ADAM22: variants seen among roughly 807,000 people sequenced by gnomAD.
The protein encoded by ADAM22 is disintegrin and metalloproteinase domain-containing protein 22.
ADAM22 carries 65 observed loss-of-function variants against 144.6 expected under a neutral mutation model. The observed-to-expected ratio is 0.45, with a 90% CI of 0.37 to 0.55. The LOEUF (loss-of-function observed/expected upper bound fraction) is 0.55, where lower values mean the gene tolerates loss of function less well. ADAM22 is among the 20% of genes least tolerant of loss of function. The pLI, the probability that ADAM22 is intolerant of heterozygous loss-of-function variation, is 0.00. For missense variants in ADAM22, 974 were observed against 1,184.9 expected (o/e 0.82, Z 2.61); for synonymous variants, 391 against 412.6 (o/e 0.95, Z 0.63).
At chr7:88,130,308 A>C in intron 9 of ADAM22, 80 bp from the exon 10 acceptor site, 1 of 1,121,644 alleles carries the variant, frequency 8.9e-7, no homozygotes, top group Non-Finnish European at 1.3e-6. Context: ...GGATCTTTCA[A>C]TTGCACCATG....
intron 2 of ADAM22, among the ~76,000 whole-genome samples, chr7:87,944,169 G>A (rs979904947): frequency 5.9e-5 from 9 of 151,412 alleles, no homozygotes; most frequent in African/African-American, 2.2e-4. Context: ...CTTTTAAGTA[G>A]GTTTGTTTCG....
At chr7:88,122,559 G>T (rs953936898) in intron 7 of ADAM22, among the ~76,000 whole-genome samples, 2 of 152,056 alleles carry the variant, frequency 1.3e-5, no homozygotes, top group African/African-American at 4.8e-5. Flanking sequence ...ATTTCATCCC[G>T]TTATAGCATC....
At chr7:88,118,291 T>C (rs1018898981) in intron 7 of ADAM22, among the ~76,000 whole-genome samples, 1 of 152,230 alleles carries the variant, frequency 6.6e-6, no homozygotes, top group African/African-American at 2.4e-5. Flanking sequence ...TTGTAACTCC[T>C]TGTCCTCCTG....
intron 2 of ADAM22, among the ~76,000 whole-genome samples, chr7:87,977,180 T>C (rs976773848): frequency 2.0e-5 from 3 of 152,204 alleles, no homozygotes; most frequent in African/African-American, 4.8e-5. Context: ...CCATACCTAC[T>C]TCTTTAGGAG....
At chr7:88,047,458 T>A (rs1447580900) in intron 3 of ADAM22, among the ~76,000 whole-genome samples, 1 of 152,232 alleles carries the variant, frequency 6.6e-6, no homozygotes, top group Non-Finnish European at 1.5e-5. Flanking sequence ...TTCTGTTTAT[T>A]GTGACTCTCA....
At chr7:88,027,296 G>A (rs771557251) in intron 3 of ADAM22, among the ~76,000 whole-genome samples, 16 of 152,246 alleles carry the variant, frequency 1.1e-4, no homozygotes, top group Non-Finnish European at 1.5e-4. Context: ...AATAGTTTCC[G>A]TAAGATTGGT....
At chr7:88,133,088 C>T in intron 12 of ADAM22, 137 bp downstream of exon 12, 5 of 701,218 alleles carry the variant, frequency 7.1e-6, no homozygotes, top group Non-Finnish European at 1.2e-5. Flanking sequence ...GGTGGCCTGG[C>T]ACAATGGCTT....
At chr7:88,020,143 T>C (rs1186492744) in intron 3 of ADAM22, among the ~76,000 whole-genome samples, 1 of 152,132 alleles carries the variant, frequency 6.6e-6, no homozygotes, top group African/African-American at 2.4e-5. Context: ...TCATGAATAT[T>C]GGTATCGTGG....
At chr7:87,991,929 G>A (rs975884641) in intron 3 of ADAM22, among the ~76,000 whole-genome samples, 3 of 152,200 alleles carry the variant, frequency 2.0e-5, no homozygotes, top group African/African-American at 7.2e-5. Flanking sequence ...AAACTCACTA[G>A]TGAAATACTT....
chr7:88,052,217 G>A (rs531428202), intron 3 of ADAM22, among the ~76,000 whole-genome samples: 1 of 151,946 alleles, frequency 6.6e-6, no homozygotes, highest in African/African-American at 2.4e-5. Context: ...AAAATTCCCG[G>A]CCGGACGCGG....
At chr7:88,139,256 A>G (rs1199941884) in intron 14 of ADAM22, among the ~76,000 whole-genome samples, 4 of 152,056 alleles carry the variant, frequency 2.6e-5, no homozygotes, top group Admixed American at 1.3e-4. Context: ...CGTCTCTACT[A>G]AAAGTACAAA....
Position 88,128,656 on chromosome 7 carries a change from AT to A in ADAM22, c.735del (p.Ile245MetfsTer2). Reference sequence around the variant, plus strand: ...AGAAACCAAATACATTGAACTGATGATTGTGAATGATCACCTTATGGTAGGA... The same window carrying A: ...AGAAACCAAATACATTGAACTGATGATGTGAATGATCACCTTATGGTAGGA... ...EEETKYIELM[I>X]VNDHLMFKKH... On this transcript the variant is annotated frameshift_variant, in exon 9 of 32. Transcript: ENST00000413139. LOFTEE classifies it high-confidence loss of function. 6.2e-7 allele frequency: 1 copy of A among 1,611,880 alleles called. No homozygotes were observed.
At position 87,934,287 on chromosome 7, in the gene ADAM22, A is replaced by G. The variant is rs1249264985; in HGVS notation, c.-179A>G. ...CCCCCCGCCAGCGGAAGCGTCCGCG[A>G]AGCACAATGCAGCACTGAGCCGCGG... is the stretch of plus-strand genomic sequence containing the variant. On this transcript the variant is annotated 5_prime_UTR_variant, in exon 1 of 32. Transcript: ENST00000413139. The G allele has an allele frequency of 1.9e-6, 1 of 534,742 alleles. No individual in the cohort carries two copies. The highest frequency in any genetic ancestry group is 3.5e-5 in the East Asian group (1 of 28,580). 33.1% of individuals were successfully genotyped at this position (534,742 alleles called of 1,614,324 possible).
intron 3 of ADAM22, among the ~76,000 whole-genome samples, chr7:88,064,036 A>G (rs1013816): frequency 0.024 from 3,647 of 152,272 alleles, 153 homozygotes; most frequent in African/African-American, 0.083. Flanking sequence ...AATTCCCAGG[A>G]TCATAGGTTC....
At position 88,151,300 on chromosome 7, in the gene ADAM22, G is replaced by A. The variant is rs1464479971; in HGVS notation, c.1661G>A (p.Cys554Tyr). The change falls in exon 20 of 32, where the codon TGC (cysteine) becomes TAC (tyrosine). Residue 554 changes from cysteine (C) to tyrosine (Y), a missense_variant. Cys to Tyr is a radical substitution (Grantham distance 194). Around this residue, in one of 2 missense-constraint regions of ADAM22, gnomAD observed 734 missense variants for 950.6 expected, o/e 0.77. Transcript: ENST00000413139. Reference sequence around the variant, plus strand: ...AGATGCAAAACCAGAGATAGACAATGCAAATACATTTGGGGGCAAAGTAAG... The same window carrying A: ...AGATGCAAAACCAGAGATAGACAATACAAATACATTTGGGGGCAAAGTAAG... ...GGRCKTRDRQ[C>Y]KYIWGQKVTA... The A allele has an allele frequency of 6.2e-7, 1 of 1,614,000 alleles. No individual in the cohort carries two copies. Among genetic ancestry groups the A allele is most frequent in the Non-Finnish European group, 8.5e-7 (1 of 1,179,990 alleles).
At position 88,114,603 on chromosome 7, in the gene ADAM22, A is replaced by T. The variant is rs1236113041; in HGVS notation, c.493A>T (p.Asn165Tyr). The T allele has an allele frequency of 1.2e-6, 2 of 1,613,996 alleles. No individual in the cohort carries two copies. The highest frequency in any genetic ancestry group is 2.2e-5 in the South Asian group (2 of 91,068). ...TGGCAGTGGGATGTTCTATGACGGG[A>T]ACCACACATATCTCATTGAGCCAGA... ...HGLHGMFYDG[N>Y]HTYLIEPEEN... is the part of the protein sequence containing the mutation. Residue 165 changes from asparagine to tyrosine, a missense_variant, in exon 6 of 32, where the codon AAC (asparagine) becomes TAC (tyrosine). Coordinates refer to ENST00000413139, the MANE Select transcript of ADAM22 (RefSeq NM_001324418.2).
rs1242281833 is a variant in ADAM22 at position 88,130,451 on chromosome 7, G to A, written c.817G>A (p.Ala273Thr). The change falls in exon 10 of 32, where the codon GCA becomes ACA. Residue 273 changes from alanine to threonine, a missense_variant. Ala to Thr is a moderately conservative substitution (Grantham distance 58). Transcript: ENST00000413139. ...NTYAKSVVNM[A>T]DLIYKDQLKT... ...CTATGCGAAATCTGTGGTGAACATG[G>A]CAGATTTAGTAAGTATCAACCCCGT... The A allele has an allele frequency of 6.2e-7, 1 of 1,612,800 alleles. No homozygotes were observed. Among genetic ancestry groups the A allele is most frequent in the East Asian group, 2.2e-5 (1 of 44,844 alleles).
chr7:88,125,535 A>G, intron 7 of ADAM22, 54 bp from the exon 8 acceptor site: 1 of 1,335,862 alleles, frequency 7.5e-7, no homozygotes, highest in Non-Finnish European at 1.1e-6. Flanking sequence ...TTTGCCCTGT[A>G]TTGAAGAAAT....
At chr7:88,186,826 G>A in intron 30 of ADAM22, 125 bp downstream of exon 30, 2 of 620,074 alleles carry the variant, frequency 3.2e-6, no homozygotes, top group Non-Finnish European at 5.6e-6. Context: ...AGGGGTCCTT[G>A]TTTATTTGCT....
Sources: gnomAD v4.1 joint callset for allele counts (sites outside exome capture counted in the v4.1 genomes callset) on GRCh38, gnomAD v4.1.1 for gene constraint, gnomAD v4.1.1 regional missense constraint, MANE v1.5 for transcripts, NCBI Gene and HGNC (gene_info 2026-07-23, HGNC 2026-07-21) for gene names.